Variants in CYP2A7 observed in about 807,000 individuals in gnomAD.
CYP2A7 encodes cytochrome P450 family 2 subfamily A member 7, also known as cytochrome P450 2A7.
In CYP2A7, 36 loss-of-function variants were observed where a neutral mutation model predicts 42.0. That is an observed-to-expected ratio of 0.86 (90% CI 0.66 to 1.13). The LOEUF (loss-of-function observed/expected upper bound fraction) is 1.13, where lower values mean the gene tolerates loss of function less well. CYP2A7 is among the 50% of genes most tolerant of loss of function. The probability of loss-of-function intolerance (pLI) is 0.00; values close to 1 mark genes in which losing one functional copy is unlikely to be tolerated. For missense variants in CYP2A7, 661 were observed against 634.1 expected, an observed-to-expected ratio of 1.04 and a Z score of -0.46; for synonymous variants, 260 against 249.5, an observed-to-expected ratio of 1.04 and a Z score of -0.40.
chr19:40,880,226 G>C lies in CYP2A7; in HGVS notation c.512C>G (p.Thr171Ser). Reference protein sequence around the residue: ...RSTHGANIDPTFFLSRTVSNV... With the variant: ...RSTHGANIDPSFFLSRTVSNV... The stretch of plus-strand genomic sequence containing the variant: ...GGAGACTGTGCGGCTCAGGAAGAAG[G>C]TGGGATCGATATTGGCGCCTGCGGG... The change falls in exon 4 of 9, where the codon ACC (threonine) becomes AGC (serine). Residue 171 changes from threonine to serine, a missense_variant. Thr to Ser is a moderately conservative substitution (Grantham distance 58). Transcript: ENST00000301146. The C allele has an allele frequency of 6.2e-7, 1 of 1,612,904 alleles. No homozygotes were observed. The highest frequency in any genetic ancestry group is 1.3e-5 in the African/African-American group (1 of 74,968).
At chr19:40,876,224 C>T (rs1418684678) in intron 8 of CYP2A7, 3 of 597,432 alleles carry the variant, frequency 5.0e-6, no homozygotes, top group Non-Finnish European at 5.8e-6. Context: ...AGATGTCCTT[C>T]TTGCCAGATA....
chr19:40,877,940 C>T lies in CYP2A7; in HGVS notation c.885G>A (p.Thr295=), dbSNP rs185246293. ...CGGTGCCTGCAATGAAGAGGTTCAACGTGCTCATCATCAGGTTCTTCAAGT... is the reference window on the plus strand; with the variant it reads ...CGGTGCCTGCAATGAAGAGGTTCAATGTGCTCATCATCAGGTTCTTCAAGT... The part of the protein sequence containing the change: ...EFYLKNLMMS[T]LNLFIAGTET... Residue 295 remains threonine (T), a synonymous_variant, in exon 6 of 9, where the codon ACG becomes ACA. Transcript: ENST00000301146. 61 of 1,612,596 alleles carry T rather than the reference C, an allele frequency of 3.8e-5. No homozygotes were observed. In the Middle Eastern group the frequency reaches 6.6e-4, roughly 17 times the overall value.
chr19:40,878,089 C>T (rs946004256), intron 5 of CYP2A7, 96 bp from the exon 6 acceptor site: 1 of 1,394,748 alleles, frequency 7.2e-7, no homozygotes, highest in South Asian at 1.4e-5. Flanking sequence ...TTGGTCCAGA[C>T]CAAAGGTGGA....
In CYP2A7 at chr19:40,881,777, A is replaced by C; in HGVS notation, c.181-26T>G. The C allele has an allele frequency of 1.9e-6, 3 of 1,600,342 alleles. No homozygotes were observed. In the South Asian group the frequency reaches 3.4e-5, roughly 18 times the overall value. ...CTGATGGAGGCGAGTGGGAGTGGTT[A>C]GAGGGAGCAGCCCCCACTCTGAATG... On this transcript the variant is annotated intron_variant, in intron 1 of 8. Coordinates refer to ENST00000301146, the MANE Select transcript of CYP2A7 (RefSeq NM_000764.3).
intron 1 of CYP2A7, 53 bp from the exon 2 acceptor site, chr19:40,881,804 G>A: frequency 1.3e-6 from 2 of 1,596,892 alleles, no homozygotes; most frequent in Non-Finnish European, 1.7e-6. Flanking sequence ...CTCTGAATGG[G>A]GCCCAGCACC....
At chr19:40,880,837 G>C (rs1165395375) in intron 2 of CYP2A7, among the ~76,000 whole-genome samples, 1 of 103,598 alleles carries the variant, frequency 9.7e-6, no homozygotes, top group East Asian at 2.9e-4. Context: ...GAGAGAGAGA[G>C]AGAGAGAGAG....
At chr19:40,877,758 G>A in intron 6 of CYP2A7, 94 bp downstream of exon 6, 1 of 1,509,534 alleles carries the variant, frequency 6.6e-7, no homozygotes, top group Non-Finnish European at 8.9e-7. Flanking sequence ...ACGTCTCAGG[G>A]TCCTGGGATC....
At chr19:40,876,463 A>ACGCCTGCT (rs1244411894) in intron 8 of CYP2A7, 64 bp downstream of exon 8, 1 of 1,608,618 alleles carries the variant, frequency 6.2e-7, no homozygotes, top group Non-Finnish European at 8.5e-7. Context: ...CAGAGAGGGG[A>ACGCCTGCT]GGTGGGTGAG....
chr19:40,881,980 C>G (rs369993917), intron 1 of CYP2A7, 51 bp downstream of exon 1: 1 of 1,580,866 alleles, frequency 6.3e-7, no homozygotes, highest in African/African-American at 1.3e-5. Flanking sequence ...AAAGCCCCAG[C>G]CAACTAGGCA....
intron 5 of CYP2A7, 93 bp downstream of exon 5, chr19:40,878,667 T>C: frequency 6.6e-7 from 1 of 1,523,434 alleles, no homozygotes; most frequent in Non-Finnish European, 8.9e-7. Flanking sequence ...GAGGGCTAAT[T>C]TGAACGGGTC....
chr19:40,880,842 A>AGAGAGG (rs1967661004), intron 2 of CYP2A7, among the ~76,000 whole-genome samples: 1 of 108,844 alleles, frequency 9.2e-6, no homozygotes, highest in Non-Finnish European at 2.1e-5. Flanking sequence ...AGAGAGAGAG[A>AGAGAGG]GAGAGAGAGA....
At chr19:40,880,898 A>G (rs1967665376) in intron 2 of CYP2A7, among the ~76,000 whole-genome samples, 1 of 149,592 alleles carries the variant, frequency 6.7e-6, no homozygotes, top group Admixed American at 6.7e-5. Context: ...GAAGAGAAAC[A>G]GAAAGGCCAG....
intron 7 of CYP2A7, 54 bp from the exon 8 acceptor site, chr19:40,876,722 A>C: frequency 6.4e-7 from 1 of 1,573,102 alleles, no homozygotes; most frequent in Non-Finnish European, 8.6e-7. Flanking sequence ...GATTGGTGAA[A>C]GTACACAGGG....
At chr19:40,879,538 G>T (rs1490324695) in intron 4 of CYP2A7, among the ~76,000 whole-genome samples, 1 of 151,754 alleles carries the variant, frequency 6.6e-6, no homozygotes, top group Non-Finnish European at 1.5e-5. Context: ...GTGTGTCAGG[G>T]AACAATCTGT....
In CYP2A7 at chr19:40,877,990, C is replaced by A; in HGVS notation, c.835G>T (p.Glu279Ter). 2 of 1,610,726 alleles carry A rather than the reference C, an allele frequency of 1.2e-6. No homozygotes were observed. Among genetic ancestry groups the A allele is most frequent in the Non-Finnish European group, 1.7e-6 (2 of 1,178,300 alleles). Residue 279 changes from glutamate (E) to a stop codon, truncating the protein, a stop_gained, in exon 6 of 9, where the codon GAG becomes TAG. Coordinates refer to ENST00000301146, the MANE Select transcript of CYP2A7 (RefSeq NM_000764.3). LOFTEE classifies it high-confidence loss of function. The part of the protein sequence containing the change: ...DSFLIHMQEE[E>*]KNPNTEFYLK... Reference sequence around the variant, plus strand: ...TAGAACTCCGTGTTGGGGTTCTTCTCCTCCTGCAGGGAGAGGGGGCTTTAG... The same window carrying A: ...TAGAACTCCGTGTTGGGGTTCTTCTACTCCTGCAGGGAGAGGGGGCTTTAG...
chr19:40,876,896 A>T (rs1441080933), intron 7 of CYP2A7: 6 of 697,190 alleles, frequency 8.6e-6, no homozygotes, highest in Non-Finnish European at 1.4e-5. Context: ...TGTTTGGGGG[A>T]CCTGAAATTT....
At position 40,877,946 on chromosome 19, in the gene CYP2A7, C is replaced by A. The variant is rs1289445818; in HGVS notation, c.879G>T (p.Met293Ile). The A allele has an allele frequency of 1.9e-6, 3 of 1,612,530 alleles. No homozygotes were observed. The highest frequency in any genetic ancestry group is 2.2e-5 in the East Asian group (1 of 44,888). ...NTEFYLKNLMMSTLNLFIAGT... is the reference protein window; with the variant it reads ...NTEFYLKNLMISTLNLFIAGT... ...CTGCAATGAAGAGGTTCAACGTGCT[C>A]ATCATCAGGTTCTTCAAGTAGAACT... The change falls in exon 6 of 9, where the codon ATG (methionine) becomes ATT (isoleucine). Residue 293 changes from methionine (M) to isoleucine (I), a missense_variant. By Grantham distance (10) the Met-to-Ile change is conservative. This residue lies in a region of CYP2A7 where 614 missense variants were observed against 552.4 expected (regional missense o/e 1.11). Transcript: ENST00000301146.
rs1060096 is a variant in CYP2A7 at position 40,875,596 on chromosome 19, T to C, written c.*97A>G. 4.7e-5 allele frequency: 74 copies of C among 1,581,468 alleles called. No homozygotes were observed. The highest frequency in any genetic ancestry group is 1.7e-4 in the Middle Eastern group (1 of 5,780). On this transcript the variant is annotated 3_prime_UTR_variant, in exon 9 of 9. Coordinates refer to ENST00000301146, the MANE Select transcript of CYP2A7 (RefSeq NM_000764.3). ...ACCACGCCCCTTCCTTTCCCGCATCTTCCCCCCATTCTTATACCCGCCTCT... is the reference window on the plus strand; with the variant it reads ...ACCACGCCCCTTCCTTTCCCGCATCCTCCCCCCATTCTTATACCCGCCTCT...
rs752348013 is a variant in CYP2A7, at chr19:40,882,018, T to A, written c.180+13A>T. 8 of 1,608,560 alleles carry A rather than the reference T, an allele frequency of 5.0e-6. No homozygotes were observed. In the East Asian group the frequency reaches 1.8e-4, roughly 36 times the overall value. On this transcript the variant is annotated intron_variant, in intron 1 of 8. Coordinates refer to ENST00000301146, the MANE Select transcript of CYP2A7 (RefSeq NM_000764.3). The stretch of plus-strand genomic sequence containing the variant: ...CCCCACCCTGTGCCACCCATCTTCC[T>A]GCCTTGGGACACCTTCATGATGGAG...
Sources: allele counts gnomAD v4.1 joint callset (sites outside exome capture counted in the v4.1 genomes callset), GRCh38; gene constraint gnomAD v4.1.1; regional missense constraint gnomAD v4.1.1; transcripts MANE v1.5; gene names NCBI Gene and HGNC (gene_info 2026-07-23, HGNC 2026-07-21).